STPG2: variants seen among roughly 807,000 people sequenced by gnomAD.
STPG2 encodes sperm tail PG-rich repeat containing 2, also known as sperm-tail PG-rich repeat-containing protein 2.
In STPG2, 56 loss-of-function variants were observed where a neutral mutation model predicts 54.2. That is an observed-to-expected ratio of 1.03 (90% CI 0.83 to 1.29). The LOEUF is 1.29. Ranked by LOEUF, STPG2 falls within the 50% of genes most tolerant of loss-of-function variation. The probability of loss-of-function intolerance (pLI) is 0.00; values close to 1 mark genes in which losing one functional copy is unlikely to be tolerated. For synonymous variants in STPG2, 200 were observed against 181.8 expected (o/e 1.10, Z -0.81); for missense variants, 596 against 544.9 (o/e 1.09, Z -0.93).
At chr4:98,118,794 T>A (rs1003895074) in intron 3 of STPG2, among the ~76,000 whole-genome samples, 2 of 152,140 alleles carry the variant, frequency 1.3e-5, no homozygotes, top group Non-Finnish European at 2.9e-5. Context: ...AAGAATGATA[T>A]GAACATGTCA....
intron 5 of STPG2, among the ~76,000 whole-genome samples, chr4:98,105,053 T>C (rs1318251069): frequency 6.6e-6 from 1 of 152,206 alleles, no homozygotes; most frequent in Non-Finnish European, 1.5e-5. Flanking sequence ...CGCTGCTGAG[T>C]GTTCAAACTG....
intron 5 of STPG2, among the ~76,000 whole-genome samples, chr4:98,061,438 C>G (rs536840379): frequency 3.4e-4 from 51 of 152,144 alleles, no homozygotes; most frequent in African/African-American, 1.1e-3. Context: ...ACTTTTAAAC[C>G]ACCAGCTCTC....
intron 9 of STPG2, among the ~76,000 whole-genome samples, chr4:97,793,370 TAC>T (rs3046530): frequency 0.054 from 7,904 of 147,644 alleles, 340 homozygotes; most frequent in African/African-American, 0.12. Context: ...GTTTTATATA[TAC>T]ACACACACAC....
intron 8 of STPG2, among the ~76,000 whole-genome samples, chr4:97,893,522 T>C (rs950071478): frequency 6.6e-6 from 1 of 152,062 alleles, no homozygotes; most frequent in African/African-American, 2.4e-5. Context: ...CTCTTCCAAC[T>C]CACTGCTTTG....
chr4:97,938,246 G>GA (rs978080358), intron 8 of STPG2, among the ~76,000 whole-genome samples: 2 of 152,160 alleles, frequency 1.3e-5, no homozygotes, highest in African/African-American at 2.4e-5. Context: ...GCACCAGCAG[G>GA]AAAAAAACAG....
chr4:97,735,034 C>G (rs544884773), intron 9 of STPG2, among the ~76,000 whole-genome samples: 98 of 148,830 alleles, frequency 6.6e-4, no homozygotes, highest in Non-Finnish European at 1.2e-3. Flanking sequence ...GATGGCGTCA[C>G]TGCACTACAG....
At chr4:98,018,399 T>C (rs1736045213) in intron 5 of STPG2, among the ~76,000 whole-genome samples, 1 of 152,234 alleles carries the variant, frequency 6.6e-6, no homozygotes, top group South Asian at 2.1e-4. Context: ...TGCCAGATTT[T>C]CTTAATCCAG....
chr4:97,794,999 A>G (rs1471218626), intron 9 of STPG2, among the ~76,000 whole-genome samples: 1 of 152,168 alleles, frequency 6.6e-6, no homozygotes, highest in Non-Finnish European at 1.5e-5. Context: ...ATACACAGAA[A>G]AAAAATACAG....
intron 10 of STPG2, among the ~76,000 whole-genome samples, chr4:97,674,229 C>T (rs1257834038): frequency 6.6e-6 from 1 of 152,044 alleles, no homozygotes; most frequent in Admixed American, 6.6e-5. Flanking sequence ...AGTAATAGGT[C>T]TTTCACGTAA....
chr4:98,122,042 C>T (rs28810677), intron 3 of STPG2, among the ~76,000 whole-genome samples: 60,103 of 151,914 alleles, frequency 0.4, 12,134 homozygotes, highest in Middle Eastern at 0.46. Flanking sequence ...TTTTTGCACA[C>T]TGATTTTGCA....
At chr4:97,454,489 C>T (rs534482744) in intron 4 of STPG2, among the ~76,000 whole-genome samples, 6 of 126,252 alleles carry the variant, frequency 4.8e-5, no homozygotes, top group Admixed American at 2.0e-4. Flanking sequence ...GTCCGCAGTC[C>T]GGCCTGGGCG....
rs372167995 is a variant in STPG2 at position 97,898,854 on chromosome 4, T to C, written c.1044+45043A>G. ...ATAATTAAATTACATTTTACACATATAAAAATTCAATTATTATTTGTATAA... is the reference window on the plus strand; with the variant it reads ...ATAATTAAATTACATTTTACACATACAAAAATTCAATTATTATTTGTATAA... On this transcript the variant is annotated intron_variant, in intron 8 of 10. Coordinates refer to ENST00000295268, the MANE Select transcript of STPG2 (RefSeq NM_174952.3). Among the ~76,000 whole-genome samples, 9 of 151,730 alleles carry C rather than the reference T, an allele frequency of 5.9e-5. No individual in the cohort carries two copies. The East Asian group carries it at 1.2e-3, about 20-fold the overall frequency.
intron 9 of STPG2, among the ~76,000 whole-genome samples, chr4:97,736,334 C>G (rs1402942166): frequency 6.6e-6 from 1 of 152,178 alleles, no homozygotes; most frequent in Admixed American, 6.5e-5. Flanking sequence ...GTTCATCTCA[C>G]TAGGGAGTGC....
At chr4:97,979,531 A>C (rs984716685) in intron 6 of STPG2, among the ~76,000 whole-genome samples, 1 of 152,118 alleles carries the variant, frequency 6.6e-6, no homozygotes, top group African/African-American at 2.4e-5. Context: ...CTTATAGAGA[A>C]GGAGCTGTAT....
chr4:97,624,685 A>T (rs1734095253), intron 10 of STPG2, among the ~76,000 whole-genome samples: 1 of 152,146 alleles, frequency 6.6e-6, no homozygotes, highest in Non-Finnish European at 1.5e-5. Context: ...TTCATCCTGA[A>T]ATCTTTGCAC....
chr4:98,018,198 T>C (rs1367030583), intron 5 of STPG2, among the ~76,000 whole-genome samples: 1 of 151,728 alleles, frequency 6.6e-6, no homozygotes, highest in East Asian at 1.9e-4. Context: ...CCCCAGAGTG[T>C]GATGTTCCCC....
intron 10 of STPG2, among the ~76,000 whole-genome samples, chr4:97,601,542 C>T (rs80067882): frequency 0.011 from 1,630 of 151,828 alleles, 33 homozygotes; most frequent in African/African-American, 0.037. Context: ...CCATCTTTTT[C>T]CCACTGATCT....
chr4:97,732,809 A>G (rs903496953), intron 9 of STPG2, among the ~76,000 whole-genome samples: 5 of 151,790 alleles, frequency 3.3e-5, no homozygotes, highest in Non-Finnish European at 7.3e-5. Flanking sequence ...AAGAAGATAT[A>G]AAAATGGCCA....
intron 7 of STPG2, among the ~76,000 whole-genome samples, chr4:97,958,125 C>A (rs1462982804): frequency 1.3e-5 from 2 of 152,050 alleles, no homozygotes; most frequent in African/African-American, 4.8e-5. Flanking sequence ...GCCTGGCCAA[C>A]ATGGTAAAAC....
Sources: allele counts gnomAD v4.1 joint callset (sites outside exome capture counted in the v4.1 genomes callset), GRCh38; gene constraint gnomAD v4.1.1; transcripts MANE v1.5; gene names NCBI Gene and HGNC (gene_info 2026-07-23, HGNC 2026-07-21).